Variants in WWOX observed in about 807,000 individuals in gnomAD.
WWOX encodes WW domain-containing oxidoreductase.
A neutral mutation model predicts 46.2 loss-of-function variants in WWOX; 69 were observed. That is an observed-to-expected ratio of 1.49 (90% CI 1.23 to 1.82). WWOX has a LOEUF of 1.82. Ranked by LOEUF, WWOX falls within the 40% of genes most tolerant of loss-of-function variation. The pLI is 0.00. For synonymous variants in WWOX, 359 were observed against 202.6 expected (o/e 1.77, Z -6.56); for missense variants, 919 against 542.6 (o/e 1.69, Z -6.89).
chr16:78,875,949 C>T (rs1162675399), intron 8 of WWOX, among the ~76,000 whole-genome samples: 1 of 152,154 alleles, frequency 6.6e-6, no homozygotes, highest in Non-Finnish European at 1.5e-5. Context: ...TAATCACCCT[C>T]CCTTATCTAG....
At chr16:78,438,650 G>T (rs1454640921) in intron 8 of WWOX, among the ~76,000 whole-genome samples, 1 of 152,080 alleles carries the variant, frequency 6.6e-6, no homozygotes, top group Non-Finnish European at 1.5e-5. Flanking sequence ...ATGTGTTAGG[G>T]TAGCAAGAGC....
intron 6 of WWOX, among the ~76,000 whole-genome samples, chr16:78,398,916 A>G (rs1192724888): frequency 1.3e-5 from 2 of 152,188 alleles, no homozygotes; most frequent in Admixed American, 6.5e-5. Flanking sequence ...CAATTATTAC[A>G]TTTACTGCCT....
chr16:78,309,337 A>G (rs562462375), intron 5 of WWOX, among the ~76,000 whole-genome samples: 1 of 152,140 alleles, frequency 6.6e-6, no homozygotes, highest in African/African-American at 2.4e-5. Context: ...CCCTGATTAT[A>G]AGTTTCTTGA....
At chr16:78,382,845 G>A (rs992029542) in intron 5 of WWOX, among the ~76,000 whole-genome samples, 4 of 151,988 alleles carry the variant, frequency 2.6e-5, no homozygotes, top group African/African-American at 4.8e-5. Flanking sequence ...AGTTGTGTTA[G>A]TTCCTTCTCA....
intron 8 of WWOX, among the ~76,000 whole-genome samples, chr16:78,456,213 C>T (rs1304258436): frequency 6.6e-6 from 1 of 152,152 alleles, no homozygotes; most frequent in African/African-American, 2.4e-5. Flanking sequence ...ATAGCAGCAA[C>T]ACAGTAAGTT....
At chr16:79,207,504 G>C (rs1456971818) in intron 8 of WWOX, among the ~76,000 whole-genome samples, 1 of 152,180 alleles carries the variant, frequency 6.6e-6, no homozygotes, top group Non-Finnish European at 1.5e-5. Context: ...TTTTGCATAA[G>C]TGGATTAATT....
intron 8 of WWOX, among the ~76,000 whole-genome samples, chr16:78,952,057 C>G (rs1409338569): frequency 6.6e-6 from 1 of 152,130 alleles, no homozygotes; most frequent in African/African-American, 2.4e-5. Context: ...AAGACAGACC[C>G]CTAATCATAA....
intron 5 of WWOX, among the ~76,000 whole-genome samples, chr16:78,298,705 C>T (rs761479250): frequency 4.0e-5 from 6 of 151,520 alleles, no homozygotes; most frequent in Admixed American, 6.6e-5. Context: ...GCAGGAGAAT[C>T]GCTTAAACCT....
At chr16:78,121,041 C>G (rs1683164524) in intron 4 of WWOX, among the ~76,000 whole-genome samples, 1 of 151,828 alleles carries the variant, frequency 6.6e-6, no homozygotes, top group African/African-American at 2.4e-5. Flanking sequence ...AGCTAACTTA[C>G]ATTTAGTCAT....
chr16:78,577,234 A>G (rs1032532221), intron 8 of WWOX, among the ~76,000 whole-genome samples: 16 of 152,350 alleles, frequency 1.1e-4, no homozygotes, highest in African/African-American at 3.8e-4. Context: ...ATGCCTTACA[A>G]GGAGGTGAGA....
At chr16:78,717,010 A>G (rs1041803679) in intron 8 of WWOX, among the ~76,000 whole-genome samples, 1 of 152,176 alleles carries the variant, frequency 6.6e-6, no homozygotes, top group Admixed American at 6.5e-5. Flanking sequence ...AACACCTCCC[A>G]TGGTTGTCTG....
chr16:78,261,140 C>G (rs1047392429), intron 5 of WWOX, among the ~76,000 whole-genome samples: 3 of 150,406 alleles, frequency 2.0e-5, no homozygotes, highest in African/African-American at 7.4e-5. Flanking sequence ...TAAAATGAAA[C>G]AACTTGACAT....
intron 4 of WWOX, among the ~76,000 whole-genome samples, chr16:78,131,112 T>A (rs569810412): frequency 1.3e-5 from 2 of 152,214 alleles, no homozygotes; most frequent in South Asian, 2.1e-4. Context: ...TGTAATCTTA[T>A]GGGACCGCCG....
intron 8 of WWOX, among the ~76,000 whole-genome samples, chr16:78,615,036 A>G (rs1239001354): frequency 1.3e-5 from 2 of 152,186 alleles, no homozygotes; most frequent in Non-Finnish European, 2.9e-5. Flanking sequence ...GGTAGGGCTA[A>G]TGCATTGTCA....
intron 5 of WWOX, among the ~76,000 whole-genome samples, chr16:78,262,163 A>G (rs1403528428): frequency 6.6e-6 from 1 of 151,294 alleles, no homozygotes; most frequent in Non-Finnish European, 1.5e-5. Flanking sequence ...AGGGTGAATT[A>G]CAAATAGTAC....
intron 8 of WWOX, among the ~76,000 whole-genome samples, chr16:78,911,706 A>C (rs908984329): frequency 2.0e-5 from 3 of 151,902 alleles, no homozygotes; most frequent in Non-Finnish European, 4.4e-5. Flanking sequence ...TCTCTACTAA[A>C]AGTACAAAAA....
At chr16:79,048,800 C>G (rs960730636) in intron 8 of WWOX, among the ~76,000 whole-genome samples, 6 of 152,188 alleles carry the variant, frequency 3.9e-5, no homozygotes, top group East Asian at 1.9e-4. Context: ...CTGAGAAATT[C>G]AAGTGCCACA....
chr16:78,744,181 A>G lies in WWOX; in HGVS notation c.1056+311429A>G, dbSNP rs140277166. On this transcript the variant is annotated intron_variant, in intron 8 of 8. Transcript: ENST00000566780. ...AGATCAGAAGGTCCGTAAAGGTGGT[A>G]TTTGAACTAAGTTTTGAGAGCTGGG... Among the ~76,000 whole-genome samples the G allele has an allele frequency of 1.9e-3, 282 of 152,236 alleles. 1 individual carries two copies. Among genetic ancestry groups the G allele is most frequent in the African/African-American group, 6.2e-3 (259 of 41,572 alleles).
chr16:78,386,009 A>G (rs1281270900), intron 5 of WWOX, among the ~76,000 whole-genome samples: 1 of 152,198 alleles, frequency 6.6e-6, no homozygotes, highest in Non-Finnish European at 1.5e-5. Flanking sequence ...AACATGGCCA[A>G]TGGAACACCA....
Sources: gnomAD v4.1 joint callset for allele counts (sites outside exome capture counted in the v4.1 genomes callset) on GRCh38, gnomAD v4.1.1 for gene constraint, MANE v1.5 for transcripts, NCBI Gene and HGNC (gene_info 2026-07-23, HGNC 2026-07-21) for gene names.